The following NOP14 variants were observed in gnomAD, a reference collection of about 807,000 sequenced individuals.
NOP14 encodes the protein nucleolar protein 14.
In NOP14, 57 loss-of-function variants were observed where a neutral mutation model predicts 101.6. That is an observed-to-expected ratio of 0.56 (90% CI 0.45 to 0.70). NOP14 has a LOEUF of 0.70. Among genes scored for constraint, NOP14 ranks in the 30% least tolerant of loss-of-function variants. The pLI is 0.00. For synonymous variants in NOP14, 428 were observed against 424.0 expected, an observed-to-expected ratio of 1.01 and a Z score of -0.12; for missense variants, 1,134 against 1,075.5, an observed-to-expected ratio of 1.05 and a Z score of -0.76.
chr4:2,947,466 A>G (rs1714733947), intron 10 of NOP14, 60 bp downstream of exon 10: 2 of 1,177,198 alleles, frequency 1.7e-6, no homozygotes, highest in African/African-American at 1.5e-5. Flanking sequence ...ATGACTCTAA[A>G]TGGGAGAAAA....
intron 13 of NOP14, among the ~76,000 whole-genome samples, chr4:2,943,134 C>T (rs752958485): frequency 5.3e-4 from 81 of 152,194 alleles, no homozygotes; most frequent in African/African-American, 1.7e-3. Flanking sequence ...GCCCCTCTGG[C>T]GCCCAGCACC....
At chr4:2,943,890 G>A (rs1380240561) in intron 13 of NOP14, among the ~76,000 whole-genome samples, 183 bp downstream of exon 13, 2 of 152,258 alleles carry the variant, frequency 1.3e-5, no homozygotes, top group African/African-American at 4.8e-5. Context: ...GTCACCGGTA[G>A]CACTGCTTTT....
At chr4:2,946,892 T>G in intron 10 of NOP14, 1 of 304,888 alleles carries the variant, frequency 3.3e-6, no homozygotes, top group Admixed American at 4.8e-5. Context: ...TGATAGTGCC[T>G]CCATGCATGC....
At chr4:2,960,747 T>C (rs1377574827) in intron 1 of NOP14, among the ~76,000 whole-genome samples, 3 of 82,412 alleles carry the variant, frequency 3.6e-5, no homozygotes, top group East Asian at 2.2e-4. Flanking sequence ...AATATATTAA[T>C]ATTATAATCA....
Position 2,941,587 on chromosome 4 carries a change from G to A in NOP14, c.2194C>T (p.Leu732Phe). 6.2e-7 allele frequency: 1 copy of A among 1,612,012 alleles called. No homozygotes were observed. Reference protein sequence around the residue: ...HLADCSHPQELQELCQSTLTE... With the variant: ...HLADCSHPQEFQELCQSTLTE... ...TAGTGGCCGGGAAGCCTCACCTGGA[G>A]CTCCTGCGGGTGGCTGCAGTCCGCC... Residue 732 changes from leucine (L) to phenylalanine (F), a missense_variant, in exon 15 of 18, where the codon CTC (leucine) becomes TTC (phenylalanine). Physicochemically the swap from Leu to Phe is conservative, Grantham distance 22. Transcript: ENST00000416614.
At chr4:2,958,141 G>A (rs927777218) in intron 1 of NOP14, among the ~76,000 whole-genome samples, 2 of 152,128 alleles carry the variant, frequency 1.3e-5, no homozygotes, top group African/African-American at 4.8e-5. Flanking sequence ...TCCCATCAAA[G>A]GTACTCCTAA....
chr4:2,954,650 C>CA, intron 3 of NOP14, 87 bp from the exon 4 acceptor site: 1 of 1,486,084 alleles, frequency 6.7e-7, no homozygotes, highest in Non-Finnish European at 9.0e-7. Flanking sequence ...GTGCTTCCCC[C>CA]ATAGTGGTCT....
Position 2,950,209 on chromosome 4 carries a change from C to G in NOP14, c.1007G>C (p.Gly336Ala). The G allele has an allele frequency of 6.2e-7, 1 of 1,613,464 alleles. No individual in the cohort carries two copies. Among genetic ancestry groups the G allele is most frequent in the Non-Finnish European group, 8.5e-7 (1 of 1,180,004 alleles). ...GACATCTTCCTCGACATTCATCTTT[C>G]CATCCTACCAAGAGCGTGGAAACCA... ...DDRRLLSYKD[G>A]KMNVEEDVQE... The change falls in exon 8 of 18, where the codon GGA becomes GCA. Residue 336 changes from glycine (G) to alanine (A), a missense_variant. Transcript: ENST00000416614.
intron 1 of NOP14, among the ~76,000 whole-genome samples, chr4:2,959,896 C>G (rs572696499): frequency 2.0e-5 from 3 of 152,214 alleles, no homozygotes; most frequent in African/African-American, 7.2e-5. Flanking sequence ...CAGATGGGAG[C>G]ACATTACATG....
At chr4:2,941,473 G>GT in intron 15 of NOP14, 109 bp downstream of exon 15, 6 of 984,294 alleles carry the variant, frequency 6.1e-6, no homozygotes, top group Non-Finnish European at 9.0e-6. Flanking sequence ...TGCAAAGATG[G>GT]TGTTGACTTA....
At position 2,953,539 on chromosome 4, in the gene NOP14, T is replaced by A; in HGVS notation, c.719A>T (p.Glu240Val). ...TLLSHKTPKSENRDKKEKPKP... is the reference protein window; with the variant it reads ...TLLSHKTPKSVNRDKKEKPKP... ...GGGTTTTTCCTTTTTGTCTCTGTTC[T>A]CTGACTTGGGAGTTTTGTGGGACAG... Residue 240 changes from glutamate (E) to valine (V), a missense_variant, in exon 5 of 18, where the codon GAG (glutamate) becomes GTG (valine). Coordinates refer to ENST00000416614, the MANE Select transcript of NOP14 (RefSeq NM_001291978.2). 6.2e-7 allele frequency: 1 copy of A among 1,614,254 alleles called. No homozygotes were observed. Among genetic ancestry groups the A allele is most frequent in the Admixed American group, 1.7e-5 (1 of 60,024 alleles).
At position 2,944,058 on chromosome 4, in the gene NOP14, C is replaced by G. The variant is rs1441677653; in HGVS notation, c.1891+15G>C. 6.3e-7 allele frequency: 1 copy of G among 1,590,318 alleles called. No homozygotes were observed. The highest frequency in any genetic ancestry group is 1.8e-5 in the Admixed American group (1 of 54,476). Reference sequence around the variant, plus strand: ...GTATAACATATTTGTAGGAACCTCCCTCAAATCAACTCACCTTGGCTTGCT... The same window carrying G: ...GTATAACATATTTGTAGGAACCTCCGTCAAATCAACTCACCTTGGCTTGCT... On this transcript the variant is annotated intron_variant, in intron 13 of 17. Transcript: ENST00000416614.
In NOP14 at chr4:2,941,652, G is replaced by C; in HGVS notation, c.2129C>G (p.Ala710Gly). The change falls in exon 15 of 18, where the codon GCC becomes GGC. Residue 710 changes from alanine to glycine, a missense_variant. Ala to Gly is a moderately conservative substitution (Grantham distance 60). Coordinates refer to ENST00000416614, the MANE Select transcript of NOP14 (RefSeq NM_001291978.2). ...GAGGGCTTGGAGAGGCCCCATGATG[G>C]CGTGGAAGGATGGCAGGGACCCGTA... Reference protein sequence around the residue: ...LMYGSLPSFHAIMGPLQALLT... With the variant: ...LMYGSLPSFHGIMGPLQALLT... The C allele has an allele frequency of 1.9e-6, 3 of 1,613,540 alleles. No individual in the cohort carries two copies. In the African/African-American group the frequency reaches 4.0e-5, roughly 21 times the overall value.
intron 3 of NOP14, 36 bp from the exon 4 acceptor site, chr4:2,954,599 C>T: frequency 6.2e-7 from 1 of 1,608,206 alleles, no homozygotes; most frequent in Non-Finnish European, 8.5e-7. Flanking sequence ...ACAGTGAAGC[C>T]CAGCCCTGGC....
intron 7 of NOP14, chr4:2,950,520 G>C (rs1381733488): frequency 4.7e-6 from 2 of 426,362 alleles, no homozygotes; most frequent in African/African-American, 4.0e-5. Flanking sequence ...GCGGGCTTTA[G>C]CAGGAGGAGT....
chr4:2,946,662 A>G, intron 10 of NOP14, 115 bp from the exon 11 acceptor site: 1 of 863,462 alleles, frequency 1.2e-6, no homozygotes, highest in Non-Finnish European at 1.8e-6. Flanking sequence ...TAAGAACTGG[A>G]TGAATCCGCT....
Position 2,950,229 on chromosome 4 carries a change from A to T in NOP14, c.1003-16T>A. ...TCTTTCCATCCTACCAAGAGCGTGG[A>T]AACCACAGGGCATGAGGACAGGCGG... On this transcript the variant is annotated splice_polypyrimidine_tract_variant and intron_variant, in intron 7 of 17. Transcript: ENST00000416614. The T allele has an allele frequency of 3.1e-6, 5 of 1,612,200 alleles. No individual in the cohort carries two copies. The highest frequency in any genetic ancestry group is 4.2e-6 in the Non-Finnish European group (5 of 1,179,854).
chr4:2,951,273 G>C (rs1170598064), intron 6 of NOP14, 28 bp from the exon 7 acceptor site: 1 of 1,610,582 alleles, frequency 6.2e-7, no homozygotes, highest in East Asian at 2.2e-5. Context: ...AGATGTCTTA[G>C]AGCACACTCT....
At chr4:2,943,014 C>T (rs1265079361) in intron 13 of NOP14, among the ~76,000 whole-genome samples, 1 of 152,226 alleles carries the variant, frequency 6.6e-6, no homozygotes, top group Non-Finnish European at 1.5e-5. Flanking sequence ...ATGCCCACCC[C>T]TTCCTTGACT....
Sources: allele counts gnomAD v4.1 joint callset (sites outside exome capture counted in the v4.1 genomes callset), GRCh38; gene constraint gnomAD v4.1.1; transcripts MANE v1.5; gene names NCBI Gene and HGNC (gene_info 2026-07-23, HGNC 2026-07-21).